The following PTPRT variants were observed in gnomAD, a reference collection of about 807,000 sequenced individuals.
PTPRT encodes the protein receptor-type tyrosine-protein phosphatase T.
PTPRT carries 56 observed loss-of-function variants against 176.8 expected under a neutral mutation model. The observed-to-expected ratio is 0.32, with a 90% CI of 0.26 to 0.40. PTPRT has a LOEUF of 0.40. PTPRT is among the 10% of genes least tolerant of loss of function. PTPRT has a pLI of 1.00. For synonymous variants in PTPRT, 783 were observed against 739.0 expected (o/e 1.06, Z -0.96); for missense variants, 1,540 against 1,908.2 (o/e 0.81, Z 3.60).
intron 1 of PTPRT, among the ~76,000 whole-genome samples, chr20:43,047,510 A>C (rs960038531): frequency 1.3e-5 from 2 of 152,188 alleles, no homozygotes; most frequent in African/African-American, 4.8e-5. Flanking sequence ...GGGGGGCAGG[A>C]AAATAAAGTT....
chr20:42,764,058 G>A lies in PTPRT; in HGVS notation c.684+7377C>T, dbSNP rs913703821. On this transcript the variant is annotated intron_variant, in intron 5 of 30. Coordinates refer to ENST00000373187, the MANE Select transcript of PTPRT (RefSeq NM_007050.6). ...ATGAAACTGTGGCAGTCTACCTTGT[G>A]AGCCTCCAAATAAGGTAAAATCTTA... Among the ~76,000 whole-genome samples, 9 of 152,194 alleles carry A rather than the reference G, an allele frequency of 5.9e-5. No individual in the cohort carries two copies. The East Asian group carries it at 9.6e-4, about 16-fold the overall frequency.
intron 7 of PTPRT, among the ~76,000 whole-genome samples, chr20:42,651,909 T>C (rs2075038019): frequency 6.6e-6 from 1 of 151,914 alleles, no homozygotes; most frequent in African/African-American, 2.4e-5. Context: ...TTAGCTGGGC[T>C]TGGTGGTGTG....
At chr20:42,936,956 T>C (rs1355679894) in intron 1 of PTPRT, among the ~76,000 whole-genome samples, 1 of 152,182 alleles carries the variant, frequency 6.6e-6, no homozygotes, top group African/African-American at 2.4e-5. Flanking sequence ...GCCTCGGCCC[T>C]GCATCTGGGT....
intron 1 of PTPRT, among the ~76,000 whole-genome samples, chr20:43,098,084 T>C (rs539228814): frequency 7.9e-5 from 12 of 152,164 alleles, no homozygotes; most frequent in African/African-American, 2.4e-4. Flanking sequence ...TCCAGAACTC[T>C]GAGTAGAGAA....
chr20:42,707,286 A>T (rs1176214307), intron 6 of PTPRT, among the ~76,000 whole-genome samples: 1 of 152,186 alleles, frequency 6.6e-6, no homozygotes. Flanking sequence ...GTTGGCTCTT[A>T]ACATTTTCAT....
chr20:42,482,626 T>A (rs1405094903), intron 7 of PTPRT, among the ~76,000 whole-genome samples: 1 of 152,070 alleles, frequency 6.6e-6, no homozygotes, highest in Non-Finnish European at 1.5e-5. Context: ...ATGTAACACA[T>A]CAGATAGTAG....
chr20:42,959,531 A>G (rs1251493445), intron 1 of PTPRT, among the ~76,000 whole-genome samples: 2 of 152,322 alleles, frequency 1.3e-5, no homozygotes, highest in East Asian at 3.9e-4. Flanking sequence ...CCCATTTTAT[A>G]GATGAGAAAA....
At chr20:42,123,873 T>A (rs1987713404) in intron 19 of PTPRT, among the ~76,000 whole-genome samples, 1 of 152,202 alleles carries the variant, frequency 6.6e-6, no homozygotes, top group Admixed American at 6.5e-5. Context: ...AGATAACCTA[T>A]CACCAAATAG....
At chr20:42,713,656 C>T (rs918266764) in intron 6 of PTPRT, among the ~76,000 whole-genome samples, 1 of 152,178 alleles carries the variant, frequency 6.6e-6, no homozygotes, top group Non-Finnish European at 1.5e-5. Flanking sequence ...CCCTGCCAGA[C>T]TGCACTAAAA....
intron 16 of PTPRT, among the ~76,000 whole-genome samples, chr20:42,173,814 C>T (rs1990172376): frequency 1.3e-5 from 2 of 152,090 alleles, no homozygotes; most frequent in African/African-American, 4.8e-5. Flanking sequence ...AAATATAAGC[C>T]CTTTTTGGTA....
intron 1 of PTPRT, among the ~76,000 whole-genome samples, chr20:43,086,513 G>A (rs1243171667): frequency 6.6e-6 from 1 of 152,222 alleles, no homozygotes; most frequent in African/African-American, 2.4e-5. Context: ...CCTTTAACTA[G>A]AGGGGACTGG....
chr20:43,100,767 C>T (rs996006756), intron 1 of PTPRT, among the ~76,000 whole-genome samples: 1 of 152,228 alleles, frequency 6.6e-6, no homozygotes, highest in African/African-American at 2.4e-5. Flanking sequence ...CTGGGGGACA[C>T]CCAGACAGGC....
chr20:42,566,123 G>T (rs1000778748), intron 7 of PTPRT, among the ~76,000 whole-genome samples: 1 of 151,684 alleles, frequency 6.6e-6, no homozygotes, highest in African/African-American at 2.4e-5. Context: ...AAAAAAAATA[G>T]ATTCAATTTT....
Position 42,236,217 on chromosome 20 carries a change from C to G in PTPRT, c.2342+12G>C. On this transcript the variant is annotated intron_variant, in intron 15 of 30. Transcript: ENST00000373187. ...GGGCACGAAGCAAAGTTAACACCAG[C>G]TCGATACTTACAAGTAATAGGAGTA... 2 of 1,594,814 alleles carry G rather than the reference C, an allele frequency of 1.3e-6. No individual in the cohort carries two copies. The highest frequency in any genetic ancestry group is 1.7e-6 in the Non-Finnish European group (2 of 1,163,806).
At chr20:42,976,537 C>T (rs566894563) in intron 1 of PTPRT, among the ~76,000 whole-genome samples, 1 of 152,132 alleles carries the variant, frequency 6.6e-6, no homozygotes, top group South Asian at 2.1e-4. Context: ...TCCCAAGTAG[C>T]TGGGATTATA....
intron 1 of PTPRT, among the ~76,000 whole-genome samples, chr20:43,008,510 G>A (rs964007640): frequency 2.0e-5 from 3 of 151,980 alleles, no homozygotes; most frequent in African/African-American, 4.8e-5. Flanking sequence ...GGCCATCATG[G>A]TAAAACCCCA....
intron 1 of PTPRT, among the ~76,000 whole-genome samples, chr20:43,053,621 G>T (rs1174074957): frequency 1.3e-5 from 2 of 152,168 alleles, no homozygotes; most frequent in African/African-American, 4.8e-5. Flanking sequence ...TGCTCCGCCT[G>T]GATTCCTGCC....
intron 9 of PTPRT, among the ~76,000 whole-genome samples, chr20:42,358,051 AAAG>A (rs2058381679): frequency 6.6e-6 from 1 of 152,084 alleles, no homozygotes; most frequent in Admixed American, 6.6e-5. Flanking sequence ...CTAGAAGAAA[AAAG>A]AAGACCTCTG....
intron 6 of PTPRT, among the ~76,000 whole-genome samples, chr20:42,730,181 A>T (rs1400135164): frequency 6.6e-6 from 1 of 152,218 alleles, no homozygotes; most frequent in Non-Finnish European, 1.5e-5. Flanking sequence ...ATAGAACCTT[A>T]TTCTGGTCTG....
Sources: allele counts gnomAD v4.1 joint callset (sites outside exome capture counted in the v4.1 genomes callset), GRCh38; gene constraint gnomAD v4.1.1; transcripts MANE v1.5; gene names NCBI Gene and HGNC (gene_info 2026-07-23, HGNC 2026-07-21).